Variants in PCDH7 observed in about 807,000 individuals in gnomAD.
PCDH7 encodes protocadherin-7.
Under a neutral mutation model 58.9 loss-of-function variants are expected in PCDH7, and 17 were observed. The ratio of observed to expected loss-of-function variants is 0.29; its 90% CI spans 0.20 to 0.43. The LOEUF (loss-of-function observed/expected upper bound fraction) is 0.43. Ranked by LOEUF, PCDH7 falls within the 20% of genes least tolerant of loss-of-function variation. PCDH7 has a pLI of 1.00. For synonymous variants in PCDH7, 664 were observed against 616.4 expected (o/e 1.08, Z -1.14); for missense variants, 1,274 against 1,441.0 (o/e 0.88, Z 1.88).
intron 3 of PCDH7, among the ~76,000 whole-genome samples, chr4:31,095,784 T>G (rs1324676119): frequency 6.6e-6 from 1 of 152,158 alleles, no homozygotes; most frequent in East Asian, 1.9e-4. Flanking sequence ...TTAGGACACT[T>G]TCTGTTAATT....
chr4:30,785,923 C>T (rs1472146445), intron 1 of PCDH7, among the ~76,000 whole-genome samples: 1 of 151,918 alleles, frequency 6.6e-6, no homozygotes, highest in South Asian at 2.1e-4. Flanking sequence ...ATTGTACCAC[C>T]ATCGAATTGG....
At chr4:30,817,360 T>C (rs1454608407) in intron 1 of PCDH7, among the ~76,000 whole-genome samples, 1 of 152,202 alleles carries the variant, frequency 6.6e-6, no homozygotes, top group Non-Finnish European at 1.5e-5. Flanking sequence ...TATGCTGAGT[T>C]GTTATTTTAG....
chr4:31,001,414 A>C (rs898222405), intron 3 of PCDH7, among the ~76,000 whole-genome samples: 3 of 152,132 alleles, frequency 2.0e-5, no homozygotes, highest in Admixed American at 1.3e-4. Context: ...AAGAGCACAT[A>C]AAATCAACTT....
chr4:30,857,918 A>G (rs984031994), intron 1 of PCDH7, among the ~76,000 whole-genome samples: 5 of 152,342 alleles, frequency 3.3e-5, no homozygotes, highest in Middle Eastern at 6.8e-3. Flanking sequence ...TTGGAAAAGT[A>G]GTAATATTGC....
intron 3 of PCDH7, among the ~76,000 whole-genome samples, chr4:31,018,987 T>C (rs149032247): frequency 6.6e-5 from 10 of 152,302 alleles, no homozygotes; most frequent in African/African-American, 2.4e-4. Context: ...CTTTGATTTA[T>C]ACTTGGTGAG....
intron 3 of PCDH7, among the ~76,000 whole-genome samples, chr4:31,012,233 C>T (rs1186773210): frequency 6.6e-6 from 1 of 152,004 alleles, no homozygotes; most frequent in Non-Finnish European, 1.5e-5. Flanking sequence ...GGTCAGTACA[C>T]CGAAACAAAC....
At chr4:31,108,642 T>A (rs1715901186) in intron 3 of PCDH7, among the ~76,000 whole-genome samples, 1 of 152,108 alleles carries the variant, frequency 6.6e-6, no homozygotes, top group Admixed American at 6.5e-5. Flanking sequence ...GGGGAGAAAA[T>A]TAATTGTAAG....
intron 3 of PCDH7, among the ~76,000 whole-genome samples, chr4:31,066,403 T>G (rs1376458315): frequency 2.6e-5 from 4 of 151,880 alleles, no homozygotes; most frequent in Non-Finnish European, 5.9e-5. Context: ...AGATCTATCT[T>G]TTTTCTGCCC....
chr4:30,756,839 C>T (rs1420193890), intron 1 of PCDH7, among the ~76,000 whole-genome samples: 1 of 152,168 alleles, frequency 6.6e-6, no homozygotes, highest in Non-Finnish European at 1.5e-5. Context: ...TTCTTCATCT[C>T]CCTTTTGGCT....
chr4:31,030,371 T>A (rs1754799594), intron 3 of PCDH7, among the ~76,000 whole-genome samples: 1 of 152,170 alleles, frequency 6.6e-6, no homozygotes, highest in African/African-American at 2.4e-5. Context: ...TTTGCTCAAT[T>A]ACCAATAATA....
intron 3 of PCDH7, among the ~76,000 whole-genome samples, chr4:31,058,984 G>A (rs574360547): frequency 2.0e-5 from 3 of 152,032 alleles, no homozygotes; most frequent in Non-Finnish European, 4.4e-5. Context: ...AAAAGTCATA[G>A]GCTCTAATTC....
At chr4:30,987,543 T>C (rs764308263) in intron 3 of PCDH7, 24 of 152,062 alleles carry the variant, frequency 1.6e-4, no homozygotes, top group Non-Finnish European at 3.1e-4. Flanking sequence ...GCTTGTATAA[T>C]AGTATTTTTC....
intron 1 of PCDH7, among the ~76,000 whole-genome samples, chr4:30,763,739 G>T (rs1315991240): frequency 6.6e-6 from 1 of 152,178 alleles, no homozygotes; most frequent in East Asian, 1.9e-4. Flanking sequence ...TTTGGAAAGA[G>T]AAAAAGGAAG....
At chr4:30,745,891 G>T (rs1052721489) in intron 1 of PCDH7, among the ~76,000 whole-genome samples, 1 of 152,116 alleles carries the variant, frequency 6.6e-6, no homozygotes, top group Non-Finnish European at 1.5e-5. Flanking sequence ...CTAGGCTGGA[G>T]TGCAGTGGCG....
chr4:30,993,437 A>G (rs1202940821), intron 3 of PCDH7, among the ~76,000 whole-genome samples: 1 of 152,216 alleles, frequency 6.6e-6, no homozygotes, highest in Non-Finnish European at 1.5e-5. Flanking sequence ...AAACAGAAGG[A>G]GCTTTCAAAG....
rs376704617 is a variant in PCDH7, at chr4:31,056,420, G to T, written c.*8-86053G>T. Among the ~76,000 whole-genome samples the T allele has an allele frequency of 8.2e-4, 101 of 123,696 alleles. 2 individuals are homozygous for T. The East Asian group carries it at 0.014, about 18-fold the overall frequency. 81.1% of individuals were successfully genotyped at this position (123,696 alleles called of 152,430 possible). ...GGAAAGGAAGAAAGAAAGAAGGAAA[G>T]AAGGAAAGAAAAAGAAAGAAGGAAA... On this transcript the variant is annotated intron_variant, in intron 3 of 3. Coordinates refer to the PCDH7 transcript ENST00000509759.
At chr4:30,746,272 C>T (rs1717766759) in intron 1 of PCDH7, among the ~76,000 whole-genome samples, 1 of 152,178 alleles carries the variant, frequency 6.6e-6, no homozygotes, top group African/African-American at 2.4e-5. Flanking sequence ...GGCAGAAAGA[C>T]CACAACATTT....
chr4:31,089,511 G>A (rs1712944409), intron 3 of PCDH7, among the ~76,000 whole-genome samples: 1 of 151,860 alleles, frequency 6.6e-6, no homozygotes, highest in South Asian at 2.1e-4. Context: ...TGCTATATTA[G>A]ATGCTGTATA....
intron 1 of PCDH7, among the ~76,000 whole-genome samples, chr4:30,866,557 C>G (rs919182570): frequency 6.6e-6 from 1 of 152,026 alleles, no homozygotes; most frequent in Non-Finnish European, 1.5e-5. Context: ...CAGTTTCTAA[C>G]TTTTCTGTTC....
Sources: gnomAD v4.1 joint callset for allele counts (sites outside exome capture counted in the v4.1 genomes callset) on GRCh38, gnomAD v4.1.1 for gene constraint, MANE v1.5 for transcripts, NCBI Gene and HGNC (gene_info 2026-07-23, HGNC 2026-07-21) for gene names.